Variants in USP48 observed in about 807,000 individuals in gnomAD.
USP48 encodes ubiquitin carboxyl-terminal hydrolase 48.
USP48 carries 43 observed loss-of-function variants against 150.7 expected under a neutral mutation model. The ratio of observed to expected loss-of-function variants is 0.29; its 90% CI spans 0.22 to 0.37. USP48 has a LOEUF of 0.37. Among genes scored for constraint, USP48 ranks in the 10% least tolerant of loss-of-function variants. USP48 has a pLI of 1.00. For missense variants in USP48, 813 were observed against 1,249.6 expected, an observed-to-expected ratio of 0.65 and a Z score of 5.27; for synonymous variants, 396 against 425.9, an observed-to-expected ratio of 0.93 and a Z score of 0.86.
In USP48 at chr1:21,703,518, A is replaced by C. The variant is rs377256025; in HGVS notation, c.2616T>G (p.Asn872Lys). 5 of 1,611,190 alleles carry C rather than the reference A, an allele frequency of 3.1e-6. No homozygotes were observed. Among genetic ancestry groups the C allele is most frequent in the Non-Finnish European group, 4.2e-6 (5 of 1,179,040 alleles). ...CCACAAGAGGGACCAGTACCTTTTT[A>C]TTATCCACAACTTTATGGACATAGA... Reference protein sequence around the residue: ...ATIYVHKVVDNKKVMKDSAPE... With the variant: ...ATIYVHKVVDKKKVMKDSAPE... The change falls in exon 21 of 27, where the codon AAT becomes AAG. Residue 872 changes from asparagine to lysine, a missense_variant. By Grantham distance (94) the Asn-to-Lys change is moderately conservative (BLOSUM62 0). Coordinates refer to ENST00000308271, the MANE Select transcript of USP48 (RefSeq NM_032236.8).
chr1:21,714,844 A>G (rs1473445901), intron 15 of USP48, among the ~76,000 whole-genome samples: 1 of 152,238 alleles, frequency 6.6e-6, no homozygotes, highest in African/African-American at 2.4e-5. Flanking sequence ...GTCAATACAC[A>G]AACAAGAAAC....
At chr1:21,764,384 A>T (rs1323387458) in intron 1 of USP48, among the ~76,000 whole-genome samples, 1 of 150,824 alleles carries the variant, frequency 6.6e-6, no homozygotes, top group Non-Finnish European at 1.5e-5. Flanking sequence ...GGCTGCAGTG[A>T]GCTGAGATCA....
At chr1:21,741,911 C>T (rs1041677685) in intron 8 of USP48, among the ~76,000 whole-genome samples, 1 of 152,068 alleles carries the variant, frequency 6.6e-6, no homozygotes, top group African/African-American at 2.4e-5. Flanking sequence ...GAGGTCAAGG[C>T]TGCAGTGAGC....
At chr1:21,777,452 G>A (rs1370006583) in intron 1 of USP48, among the ~76,000 whole-genome samples, 1 of 152,054 alleles carries the variant, frequency 6.6e-6, no homozygotes, top group African/African-American at 2.4e-5. Context: ...ACTGCTTGAG[G>A]CTAAAGGTTC....
At chr1:21,764,660 C>T (rs1360156069) in intron 1 of USP48, among the ~76,000 whole-genome samples, 4 of 142,876 alleles carry the variant, frequency 2.8e-5, no homozygotes, top group Admixed American at 2.2e-4. Flanking sequence ...GAGCCGAGAT[C>T]GTGATTGTGC....
chr1:21,713,420 A>C (rs2097695785), intron 15 of USP48, among the ~76,000 whole-genome samples: 1 of 152,012 alleles, frequency 6.6e-6, no homozygotes, highest in South Asian at 2.1e-4. Flanking sequence ...TCTTATGTAC[A>C]ATTTCTGATA....
At position 21,679,280 on chromosome 1, in the gene USP48, C is replaced by T. The variant is rs1004662822; in HGVS notation, c.*137G>A. On this transcript the variant is annotated 3_prime_UTR_variant, in exon 27 of 27. Transcript: ENST00000308271. ...TGACATAAGGCATTTGGGACAGTCA[C>T]GTTTGAATGGATTTCTGCCTTTTGG... The T allele has an allele frequency of 4.1e-5, 41 of 995,394 alleles. No individual in the cohort carries two copies. The highest frequency in any genetic ancestry group is 1.1e-4 in the South Asian group (9 of 78,378). The allele number at this position is 995,394 out of a possible 1,614,324, so 61.7% of individuals were successfully genotyped here.
chr1:21,690,514 T>C (rs2097595078), intron 23 of USP48, among the ~76,000 whole-genome samples: 1 of 151,034 alleles, frequency 6.6e-6, no homozygotes, highest in Admixed American at 6.6e-5. Flanking sequence ...TCTTTCTTTT[T>C]TCTTTTTCTT....
At chr1:21,681,088 T>C (rs915761747) in intron 25 of USP48, 8 of 362,208 alleles carry the variant, frequency 2.2e-5, no homozygotes, top group Admixed American at 1.0e-4. Context: ...AGGGCACACC[T>C]AGTGCACGAC....
chr1:21,679,234 A>C lies in USP48; in HGVS notation c.*183T>G. 1.8e-6 allele frequency: 1 copy of C among 548,208 alleles called. No homozygotes were observed. Among genetic ancestry groups the C allele is most frequent in the Non-Finnish European group, 3.2e-6 (1 of 310,824 alleles). 34.0% of individuals were successfully genotyped at this position (548,208 alleles called of 1,614,324 possible). On this transcript the variant is annotated 3_prime_UTR_variant, in exon 27 of 27. Transcript: ENST00000308271. ...AACATTTCCTTCAAGTCTGATGTCC[A>C]TCAGTGCAATCTGCTTTATTTGACA...
At chr1:21,716,594 AAT>A (rs1380453362) in intron 14 of USP48, among the ~76,000 whole-genome samples, 2 of 152,224 alleles carry the variant, frequency 1.3e-5, no homozygotes, top group African/African-American at 4.8e-5. Flanking sequence ...ACCACTATAT[AAT>A]AAAAACTTTG....
At chr1:21,686,308 T>C (rs2097580177) in intron 25 of USP48, 6 of 152,248 alleles carry the variant, frequency 3.9e-5, no homozygotes, top group Admixed American at 3.9e-4. Flanking sequence ...TTAGGTATGA[T>C]GTCAGCTGTG....
In USP48 at chr1:21,756,631, G is replaced by C. The variant is rs1217131180; in HGVS notation, c.327C>G (p.Leu109=). 4 of 1,612,326 alleles carry C rather than the reference G, an allele frequency of 2.5e-6. No individual in the cohort carries two copies. The highest frequency in any genetic ancestry group is 1.3e-5 in the African/African-American group (1 of 74,780). ...AGAGTGCCTGCCGAAGCTCCAAGTT[G>C]AGAAACCACACTTGAAGAAATGTGT... ...YVNTFLQVWF[L]NLELRQALYL... is the part of the protein sequence containing the mutation. The change falls in exon 3 of 27, where the codon CTC becomes CTG. Residue 109 remains leucine (L), a synonymous_variant. Transcript: ENST00000308271.
intron 1 of USP48, among the ~76,000 whole-genome samples, chr1:21,767,321 T>C (rs1482595042): frequency 6.6e-6 from 1 of 150,412 alleles, no homozygotes; most frequent in Non-Finnish European, 1.5e-5. Flanking sequence ...GGACCTTTTT[T>C]ATTTTTATTT....
Position 21,733,142 on chromosome 1 carries a change from A to G in USP48, c.1171+3304T>C, listed in dbSNP as rs368558775. Among the ~76,000 whole-genome samples the G allele has an allele frequency of 2.2e-3, 333 of 152,254 alleles. 2 individuals are homozygous for G. Among genetic ancestry groups the G allele is most frequent in the African/African-American group, 6.9e-3 (287 of 41,554 alleles). ...TAATTAAGAGTACCCAAGGCTGGGCATGGTGGCTCACGCCTGTAATCCTAG... is the reference window on the plus strand; with the variant it reads ...TAATTAAGAGTACCCAAGGCTGGGCGTGGTGGCTCACGCCTGTAATCCTAG... On this transcript the variant is annotated intron_variant, in intron 9 of 26. Transcript: ENST00000308271.
intron 14 of USP48, among the ~76,000 whole-genome samples, chr1:21,718,965 T>G (rs2097712139): frequency 6.6e-6 from 1 of 152,092 alleles, no homozygotes; most frequent in African/African-American, 2.4e-5. Flanking sequence ...ATAAAACATT[T>G]TAATCAAAAG....
At chr1:21,733,386 C>T (rs1400289844) in intron 9 of USP48, among the ~76,000 whole-genome samples, 1 of 151,988 alleles carries the variant, frequency 6.6e-6, no homozygotes. Flanking sequence ...CATTGCACTC[C>T]AGCCTGGCCG....
At chr1:21,709,552 C>T (rs1018607395) in intron 15 of USP48, among the ~76,000 whole-genome samples, 1 of 150,408 alleles carries the variant, frequency 6.6e-6, no homozygotes, top group Non-Finnish European at 1.5e-5. Context: ...TCCACGGCAA[C>T]TACAATATTT....
At chr1:21,734,197 A>G (rs1191680754) in intron 9 of USP48, among the ~76,000 whole-genome samples, 3 of 152,176 alleles carry the variant, frequency 2.0e-5, no homozygotes, top group Non-Finnish European at 2.9e-5. Context: ...GCAGGAATTC[A>G]AAAGCAACCT....
Sources: allele counts gnomAD v4.1 joint callset (sites outside exome capture counted in the v4.1 genomes callset), GRCh38; gene constraint gnomAD v4.1.1; transcripts MANE v1.5; gene names NCBI Gene and HGNC (gene_info 2026-07-23, HGNC 2026-07-21).